LANCL3: variants seen among roughly 807,000 people sequenced by gnomAD.
LANCL3 encodes the protein LanC like family member 3, also known as lanC-like protein 3.
In LANCL3, 19 loss-of-function variants were observed where a neutral mutation model predicts 26.5. The ratio of observed to expected loss-of-function variants is 0.72; its 90% CI spans 0.50 to 1.05. The LOEUF is 1.05. Ranked by LOEUF, LANCL3 falls within the 50% of genes least tolerant of loss-of-function variation. The probability of loss-of-function intolerance (pLI) is 0.00; values close to 1 mark genes in which losing one functional copy is unlikely to be tolerated. For synonymous variants in LANCL3, 160 were observed against 166.6 expected, an observed-to-expected ratio of 0.96 and a Z score of 0.30; for missense variants, 318 against 362.7, an observed-to-expected ratio of 0.88 and a Z score of 1.00.
chrX:37,574,888 GGTGTGTGT>G (rs781868476), intron 1 of LANCL3, among the ~76,000 whole-genome samples: 1 of 100,894 alleles, frequency 9.9e-6, no homozygotes, highest in Non-Finnish European at 2.0e-5. Flanking sequence ...ACCTTGTATA[GGTGTGTGT>G]GTGTGTGTGT....
intron 3 of LANCL3, among the ~76,000 whole-genome samples, chrX:37,666,740 G>A (rs1393955344): frequency 8.9e-6 from 1 of 112,128 alleles, no homozygotes. Context: ...TAAAGTAGAA[G>A]TCTTGGCAAG....
intron 1 of LANCL3, among the ~76,000 whole-genome samples, chrX:37,579,000 A>T (rs2146706334): frequency 9.1e-6 from 1 of 109,870 alleles, no homozygotes; most frequent in Non-Finnish European, 1.9e-5. Context: ...AAAAAAAAAA[A>T]AAAATTATTT....
chrX:37,588,266 C>T (rs1397332566), intron 1 of LANCL3, among the ~76,000 whole-genome samples: 1 of 111,504 alleles, frequency 9.0e-6, no homozygotes, highest in African/African-American at 3.3e-5. Flanking sequence ...ACAGGGCGGT[C>T]CTGTAGTGTC....
chrX:37,608,512 G>A (rs1424901368), intron 1 of LANCL3, among the ~76,000 whole-genome samples: 2 of 112,017 alleles, frequency 1.8e-5, no homozygotes, highest in Non-Finnish European at 3.8e-5. Flanking sequence ...GGAATTTCCT[G>A]CAGAAGGGGA....
rs142731855 is a variant in LANCL3, at chrX:37,579,980, T to A, written c.573+7537T>A. Among the ~76,000 whole-genome samples the A allele has an allele frequency of 1.8e-3, 197 of 111,501 alleles. 1 individual carries two copies. The highest frequency in any genetic ancestry group is 6.1e-3 in the African/African-American group (188 of 30,708). On this transcript the variant is annotated intron_variant, in intron 1 of 4. Transcript: ENST00000378619. ...GACGAGTATAAAATTAGGATGGAGGTTTCCAGGGTAGAAACTGAGTCCCTT... is the reference window on the plus strand; with the variant it reads ...GACGAGTATAAAATTAGGATGGAGGATTCCAGGGTAGAAACTGAGTCCCTT...
chrX:37,592,407 A>G (rs781915368), intron 1 of LANCL3, among the ~76,000 whole-genome samples: 9 of 112,481 alleles, frequency 8.0e-5, no homozygotes, highest in East Asian at 2.8e-4. Context: ...TTTGAGGAAC[A>G]TGTCTGATTT....
intron 4 of LANCL3, among the ~76,000 whole-genome samples, chrX:37,668,605 A>G (rs1017340903): frequency 1.4e-4 from 15 of 110,920 alleles, no homozygotes; most frequent in African/African-American, 4.3e-4. Flanking sequence ...AATGGTTACA[A>G]AAGATATTGT....
intron 1 of LANCL3, among the ~76,000 whole-genome samples, chrX:37,597,657 G>A (rs1356302164): frequency 9.7e-6 from 1 of 103,450 alleles, no homozygotes; most frequent in East Asian, 3.0e-4. Context: ...GGAACTACAG[G>A]CACACGCCAC....
chrX:37,578,813 C>T lies in LANCL3; in HGVS notation c.573+6370C>T, dbSNP rs782164743. 2.8e-5 allele frequency among the ~76,000 whole-genome samples: 3 copies of T among 108,649 alleles called. No individual in the cohort carries two copies. In the East Asian group the frequency reaches 8.7e-4, roughly 31 times the overall value. 94.3% of individuals were successfully genotyped at this position (108,649 alleles called of 115,157 possible). A position where few individuals can be genotyped will look rare whatever the true frequency, so the allele number is the denominator to read the frequency against. On this transcript the variant is annotated intron_variant, in intron 1 of 4. Transcript: ENST00000378619. ...TGGACAACATAGTGAAACCCTGTCT[C>T]GACTAAAAATACAAAAATTAGCTGG...
intron 1 of LANCL3, among the ~76,000 whole-genome samples, chrX:37,624,349 A>C (rs782767628): frequency 2.6e-4 from 29 of 111,829 alleles, no homozygotes; most frequent in Non-Finnish European, 5.3e-4. Context: ...AGTCTTTTGC[A>C]TATTATTGTA....
intron 1 of LANCL3, among the ~76,000 whole-genome samples, chrX:37,576,458 T>G (rs2146704132): frequency 8.9e-6 from 1 of 111,749 alleles, no homozygotes; most frequent in South Asian, 3.8e-4. Flanking sequence ...TGGGGAGACC[T>G]AGGATCTCAG....
intron 1 of LANCL3, among the ~76,000 whole-genome samples, chrX:37,582,644 T>C (rs1923932395): frequency 9.0e-6 from 1 of 111,650 alleles, no homozygotes; most frequent in South Asian, 3.7e-4. Context: ...GTTTTTTTCT[T>C]GTAAATTTGT....
chrX:37,620,108 A>G (rs782431516), intron 1 of LANCL3, among the ~76,000 whole-genome samples: 31 of 111,992 alleles, frequency 2.8e-4, no homozygotes, highest in African/African-American at 1.0e-3. Flanking sequence ...TCTGGAGCAC[A>G]TTTGGGAAGG....
chrX:37,656,569 G>T (rs782555139), intron 2 of LANCL3, among the ~76,000 whole-genome samples: 1 of 112,469 alleles, frequency 8.9e-6, no homozygotes, highest in African/African-American at 3.2e-5. Flanking sequence ...TTTGGAAAAA[G>T]GGTTGTTGAA....
At chrX:37,578,822 A>G (rs1220571726) in intron 1 of LANCL3, among the ~76,000 whole-genome samples, 4 of 109,118 alleles carry the variant, frequency 3.7e-5, no homozygotes, top group Non-Finnish European at 7.6e-5. Context: ...TCGACTAAAA[A>G]TACAAAAATT....
chrX:37,578,978 T>C, intron 1 of LANCL3, among the ~76,000 whole-genome samples: 1 of 83,646 alleles, frequency 1.2e-5, no homozygotes, highest in East Asian at 3.8e-4. Flanking sequence ...AGACTCCATC[T>C]CTAAAAAAAA....
chrX:37,675,325 T>C (rs1360631704), intron 4 of LANCL3, among the ~76,000 whole-genome samples: 1 of 112,403 alleles, frequency 8.9e-6, no homozygotes, highest in African/African-American at 3.2e-5. Flanking sequence ...CTTTTCAAGA[T>C]AAATAAAAGT....
intron 1 of LANCL3, among the ~76,000 whole-genome samples, chrX:37,631,540 T>C (rs1461116725): frequency 1.8e-5 from 2 of 111,676 alleles, no homozygotes; most frequent in Admixed American, 1.9e-4. Flanking sequence ...TTTATTGTGA[T>C]GTTAGGGTGT....
chrX:37,659,363 A>G, intron 2 of LANCL3, 99 bp from the exon 3 acceptor site: 1 of 616,551 alleles, frequency 1.6e-6, no homozygotes. Flanking sequence ...CTTTCAAGTA[A>G]TATTGGCTTT....
Sources: allele counts gnomAD v4.1 joint callset (sites outside exome capture counted in the v4.1 genomes callset), GRCh38; gene constraint gnomAD v4.1.1; transcripts MANE v1.5; gene names NCBI Gene and HGNC (gene_info 2026-07-23, HGNC 2026-07-21).